Variants in METTL9 observed in about 807,000 individuals in gnomAD.
METTL9 encodes protein-L-histidine N-pros-methyltransferase.
Under a neutral mutation model 36.0 loss-of-function variants are expected in METTL9, and 10 were observed. That is an observed-to-expected ratio of 0.28 (90% CI 0.17 to 0.47). METTL9 has a LOEUF of 0.47. METTL9 is among the 20% of genes least tolerant of loss of function. The pLI is 0.99. For synonymous variants in METTL9, 175 were observed against 149.7 expected (o/e 1.17, Z -1.23); for missense variants, 246 against 383.5 (o/e 0.64, Z 3.00).
At chr16:21,614,835 C>T (rs1168734669) in intron 2 of METTL9, among the ~76,000 whole-genome samples, 1 of 152,158 alleles carries the variant, frequency 6.6e-6, no homozygotes, top group Non-Finnish European at 1.5e-5. Flanking sequence ...AGATTGTGAT[C>T]AGAGAACCTA....
At chr16:21,619,808 C>T (rs1965649782) in intron 3 of METTL9, among the ~76,000 whole-genome samples, 1 of 152,042 alleles carries the variant, frequency 6.6e-6, no homozygotes, top group Admixed American at 6.6e-5. Flanking sequence ...AGTGCAGAAT[C>T]AGGGAGGTAG....
intron 4 of METTL9, chr16:21,652,218 G>A (rs1966594740): frequency 4.6e-6 from 1 of 218,368 alleles, no homozygotes; most frequent in South Asian, 1.5e-4. Context: ...TCTATGTGCA[G>A]ATCAAGTTTG....
intron 4 of METTL9, among the ~76,000 whole-genome samples, chr16:21,635,877 G>A (rs1403275019): frequency 5.9e-5 from 9 of 152,116 alleles, no homozygotes; most frequent in Admixed American, 4.6e-4. Flanking sequence ...CAGCAGAAAC[G>A]GTAGTTTTCC....
At chr16:21,630,772 G>A (rs559675725) in intron 4 of METTL9, among the ~76,000 whole-genome samples, 1 of 152,300 alleles carries the variant, frequency 6.6e-6, no homozygotes, top group South Asian at 2.1e-4. Flanking sequence ...AATTTGACAA[G>A]AAGGTTAAAA....
intron 1 of METTL9, among the ~76,000 whole-genome samples, chr16:21,609,831 A>G (rs1447390944): frequency 2.0e-5 from 3 of 152,158 alleles, no homozygotes; most frequent in Non-Finnish European, 2.9e-5. Context: ...CCTGTTAAGC[A>G]GGGTAGTGAT....
At chr16:21,647,404 G>A (rs1161879599) in intron 4 of METTL9, 1 of 1,614,040 alleles carries the variant, frequency 6.2e-7, no homozygotes. Flanking sequence ...TTGCGGAGAA[G>A]GTACACTTTA....
At position 21,613,168 on chromosome 16, in the gene METTL9, C is replaced by CTTTTTTTTTTTTTTTT. The variant is rs57388340; in HGVS notation, c.356+354_356+369dup. On this transcript the variant is annotated intron_variant, in intron 2 of 4. Coordinates refer to ENST00000358154, the MANE Select transcript of METTL9 (RefSeq NM_016025.5). ...ATCAGGGGCTAGGTCTGAGAGTCTG[C>CTTTTTTTTTTTTTTTT]TTTTTTTTTTTTTTTTTTTTTTTTT... is the stretch of plus-strand genomic sequence containing the variant. Among the ~76,000 whole-genome samples, 22 of 91,414 alleles carry CTTTTTTTTTTTTTTTT rather than the reference C, an allele frequency of 2.4e-4. 4 individuals are homozygous for CTTTTTTTTTTTTTTTT. The highest frequency in any genetic ancestry group is 2.1e-3 in the East Asian group (6 of 2,826). 60.0% of individuals were successfully genotyped at this position (91,414 alleles called of 152,430 possible). A position where few individuals can be genotyped will look rare whatever the true frequency, so the allele number is the denominator to read the frequency against.
At chr16:21,606,600 T>A (rs1275716584) in intron 1 of METTL9, among the ~76,000 whole-genome samples, 1 of 152,128 alleles carries the variant, frequency 6.6e-6, no homozygotes, top group African/African-American at 2.4e-5. Context: ...CCTTGGAGAT[T>A]GGAAGGTGGG....
intron 4 of METTL9, among the ~76,000 whole-genome samples, chr16:21,637,300 G>T (rs868048780): frequency 1.3e-5 from 2 of 152,136 alleles, no homozygotes; most frequent in Non-Finnish European, 2.9e-5. Flanking sequence ...TAGACACAGA[G>T]TGCTGATTGG....
intron 1 of METTL9, among the ~76,000 whole-genome samples, chr16:21,609,770 G>A (rs900578407): frequency 1.5e-4 from 23 of 152,106 alleles, no homozygotes; most frequent in South Asian, 1.4e-3. Flanking sequence ...AACAAAAATC[G>A]TGCAGGGCCT....
At chr16:21,624,848 A>C in intron 3 of METTL9, 83 bp from the exon 4 acceptor site, 2 of 1,220,196 alleles carry the variant, frequency 1.6e-6, no homozygotes, top group South Asian at 1.3e-5. Context: ...GACAAAGTTA[A>C]AGCCTTTATT....
intron 1 of METTL9, among the ~76,000 whole-genome samples, chr16:21,606,012 C>A (rs1965277138): frequency 6.6e-6 from 1 of 152,066 alleles, no homozygotes; most frequent in South Asian, 2.1e-4. Context: ...CCCACCCCAC[C>A]CCCTAATTTC....
At chr16:21,618,685 G>A (rs1409372523) in intron 3 of METTL9, among the ~76,000 whole-genome samples, 2 of 151,518 alleles carry the variant, frequency 1.3e-5, no homozygotes, top group Non-Finnish European at 2.9e-5. Flanking sequence ...TACTCATGTT[G>A]TACCATGGGC....
intron 3 of METTL9, among the ~76,000 whole-genome samples, chr16:21,622,386 G>A (rs192158248): frequency 6.6e-6 from 1 of 151,490 alleles, no homozygotes; most frequent in African/African-American, 2.4e-5. Flanking sequence ...AGGCTCAAGC[G>A]ATCCTCCCAA....
intron 4 of METTL9, among the ~76,000 whole-genome samples, chr16:21,637,307 T>C (rs772820592): frequency 6.6e-6 from 1 of 152,146 alleles, no homozygotes; most frequent in Non-Finnish European, 1.5e-5. Context: ...AGAGTGCTGA[T>C]TGGTGCGTTT....
chr16:21,605,194 T>A (rs1301378918), intron 1 of METTL9, among the ~76,000 whole-genome samples: 1 of 150,716 alleles, frequency 6.6e-6, no homozygotes, highest in African/African-American at 2.4e-5. Context: ...TTTCTGCTGC[T>A]TTATGATGCC....
At chr16:21,606,780 A>G (rs775275736) in intron 1 of METTL9, among the ~76,000 whole-genome samples, 2 of 152,168 alleles carry the variant, frequency 1.3e-5, no homozygotes, top group Admixed American at 6.5e-5. Context: ...CAAAGATCAA[A>G]TATGTATTTT....
At chr16:21,616,489 G>A (rs779933531) in intron 2 of METTL9, among the ~76,000 whole-genome samples, 5 of 152,158 alleles carry the variant, frequency 3.3e-5, no homozygotes, top group Non-Finnish European at 5.9e-5. Flanking sequence ...TAGGGATTGC[G>A]CTTTATTTCC....
chr16:21,605,653 G>T (rs1965265386), intron 1 of METTL9, among the ~76,000 whole-genome samples: 1 of 152,164 alleles, frequency 6.6e-6, no homozygotes, highest in Non-Finnish European at 1.5e-5. Context: ...TTTGTAGTTT[G>T]TGAATTAGAT....
Sources: gnomAD v4.1 joint callset for allele counts (sites outside exome capture counted in the v4.1 genomes callset) on GRCh38, gnomAD v4.1.1 for gene constraint, MANE v1.5 for transcripts, NCBI Gene and HGNC (gene_info 2026-07-23, HGNC 2026-07-21) for gene names.